Variants in PRDM6 observed in about 807,000 individuals in gnomAD.
The protein encoded by PRDM6 is putative histone-lysine N-methyltransferase PRDM6.
In PRDM6, 25 loss-of-function variants were observed where a neutral mutation model predicts 60.8. The ratio of observed to expected loss-of-function variants is 0.41; its 90% CI spans 0.30 to 0.57. PRDM6 has a LOEUF of 0.57. PRDM6 is among the 20% of genes least tolerant of loss of function. PRDM6 has a pLI of 0.27. For missense variants in PRDM6, 839 were observed against 821.3 expected (o/e 1.02, Z -0.26); for synonymous variants, 407 against 357.4 (o/e 1.14, Z -1.57).
At chr5:123,157,636 A>G (rs1404063607) in intron 4 of PRDM6, among the ~76,000 whole-genome samples, 2 of 152,238 alleles carry the variant, frequency 1.3e-5, no homozygotes, top group Non-Finnish European at 2.9e-5. Flanking sequence ...AAAAACTGGC[A>G]TTCATCACCA....
At chr5:123,159,744 A>C in intron 5 of PRDM6, 106 bp downstream of exon 5, 1 of 1,079,544 alleles carries the variant, frequency 9.3e-7, no homozygotes, top group African/African-American at 1.6e-5. Context: ...CACTGTAATA[A>C]GTAACACAAA....
intron 3 of PRDM6, among the ~76,000 whole-genome samples, chr5:123,153,430 A>G (rs1765418010): frequency 6.6e-6 from 1 of 152,190 alleles, no homozygotes; most frequent in African/African-American, 2.4e-5. Flanking sequence ...GGGAGAAAGC[A>G]GTATCAAGGT....
intron 2 of PRDM6, among the ~76,000 whole-genome samples, chr5:123,092,896 G>A (rs1186675076): frequency 6.6e-6 from 1 of 152,208 alleles, no homozygotes; most frequent in Admixed American, 6.5e-5. Flanking sequence ...AAGATGAAAC[G>A]TGATTGAGTT....
intron 3 of PRDM6, among the ~76,000 whole-genome samples, chr5:123,104,008 T>G (rs1764154892): frequency 6.6e-6 from 1 of 152,132 alleles, no homozygotes. Context: ...TTTGAGTGTC[T>G]CGTTTTCATT....
chr5:123,159,772 C>T (rs889254927), intron 5 of PRDM6, 134 bp downstream of exon 5: 3 of 886,790 alleles, frequency 3.4e-6, no homozygotes, highest in Non-Finnish European at 5.1e-6. Context: ...AAGTCTATTC[C>T]ATCGTTTTCT....
rs1766313175 is a variant in PRDM6 at position 123,187,385 on chromosome 5, A to T, written c.*184A>T. On this transcript the variant is annotated 3_prime_UTR_variant, in exon 8 of 8. Transcript: ENST00000407847. ...GCATGGAAGTCAGACCAGGAAAGAGATTATTTATTTATGACTTAGGGATGA... is the reference window on the plus strand; with the variant it reads ...GCATGGAAGTCAGACCAGGAAAGAGTTTATTTATTTATGACTTAGGGATGA... The T allele has an allele frequency of 6.3e-6, 3 of 473,242 alleles. No homozygotes were observed. In the South Asian group the frequency reaches 7.1e-5, roughly 11 times the overall value. 29.3% of individuals were successfully genotyped at this position (473,242 alleles called of 1,614,324 possible). A position where few individuals can be genotyped will look rare whatever the true frequency, so the allele number is the denominator to read the frequency against.
At chr5:123,115,486 A>G (rs1254844836) in intron 3 of PRDM6, among the ~76,000 whole-genome samples, 1 of 152,230 alleles carries the variant, frequency 6.6e-6, no homozygotes, top group Non-Finnish European at 1.5e-5. Context: ...ACTGTTATCA[A>G]AATTTTTGCA....
chr5:123,097,635 C>T (rs1354489577), intron 2 of PRDM6, among the ~76,000 whole-genome samples: 2 of 151,270 alleles, frequency 1.3e-5, no homozygotes, highest in Non-Finnish European at 3.0e-5. Context: ...TTTTTATTTT[C>T]ACAATCAATA....
chr5:123,101,447 CTAAT>C (rs1173586982), intron 3 of PRDM6, among the ~76,000 whole-genome samples: 1 of 152,146 alleles, frequency 6.6e-6, no homozygotes, highest in Non-Finnish European at 1.5e-5. Context: ...TTGTTTCTGA[CTAAT>C]TAATTGTAAC....
intron 7 of PRDM6, among the ~76,000 whole-genome samples, chr5:123,185,038 A>G (rs945126572): frequency 3.9e-5 from 6 of 152,184 alleles, no homozygotes; most frequent in East Asian, 1.9e-4. Context: ...ATTACAACAA[A>G]TTGTTCCATT....
At chr5:123,129,308 G>A (rs1330899894) in intron 3 of PRDM6, among the ~76,000 whole-genome samples, 5 of 152,174 alleles carry the variant, frequency 3.3e-5, no homozygotes, top group Non-Finnish European at 5.9e-5. Context: ...GAAAGTCATT[G>A]GTAGCCTGAT....
At chr5:123,126,455 C>T (rs538209694) in intron 3 of PRDM6, among the ~76,000 whole-genome samples, 1 of 151,932 alleles carries the variant, frequency 6.6e-6, no homozygotes, top group South Asian at 2.1e-4. Context: ...AGGACTCCAG[C>T]AGTGAGCAGT....
intron 3 of PRDM6, among the ~76,000 whole-genome samples, chr5:123,144,431 C>A (rs929339167): frequency 2.6e-5 from 4 of 152,176 alleles, no homozygotes; most frequent in Admixed American, 2.6e-4. Context: ...CTTGACCCAC[C>A]TTCACAACTA....
intron 3 of PRDM6, among the ~76,000 whole-genome samples, chr5:123,116,052 G>C (rs1474907650): frequency 1.3e-5 from 2 of 152,194 alleles, no homozygotes; most frequent in African/African-American, 4.8e-5. Context: ...CTGGCTGACT[G>C]TTTTGTTGCT....
In PRDM6 at chr5:123,170,997, A is replaced by G. The variant is rs879253872; in HGVS notation, c.1385A>G (p.Gln462Arg). 4 of 1,551,900 alleles carry G rather than the reference A, an allele frequency of 2.6e-6. No homozygotes were observed. The highest frequency in any genetic ancestry group is 2.6e-6 in the Non-Finnish European group (3 of 1,147,034). ...RVLASPTSTS[Q>R]LHSEFSDWHL... Reference sequence around the variant, plus strand: ...CTGGCAAGCCCAACTTCCACAAGCCAGCTCCACTCGGAGTTCAGTGACTGG... The same window carrying G: ...CTGGCAAGCCCAACTTCCACAAGCCGGCTCCACTCGGAGTTCAGTGACTGG... Residue 462 changes from glutamine to arginine, a missense_variant, in exon 6 of 8, where the codon CAG becomes CGG. Physicochemically the swap from Gln to Arg is conservative, Grantham distance 43 (BLOSUM62 1). Coordinates refer to ENST00000407847, the MANE Select transcript of PRDM6 (RefSeq NM_001136239.4).
At chr5:123,163,566 A>G (rs1442807585) in intron 5 of PRDM6, among the ~76,000 whole-genome samples, 1 of 152,162 alleles carries the variant, frequency 6.6e-6, no homozygotes, top group Non-Finnish European at 1.5e-5. Flanking sequence ...AAAAAGTCGT[A>G]TTATAAATGT....
chr5:123,099,887 C>G lies in PRDM6; in HGVS notation c.826C>G (p.Pro276Ala), dbSNP rs531274539. The part of the protein sequence containing the change: ...QRIQQGTWIG[P>A]FQGVLLPPEK... ...GATCCAGCAAGGCACCTGGATTGGA[C>G]CTTTCCAAGGCGTGCTTCTGCCCCC... The change falls in exon 3 of 8, where the codon CCT (proline) becomes GCT (alanine). Residue 276 changes from proline (P) to alanine (A), a missense_variant. This residue lies in a region of PRDM6 where 730 missense variants were observed against 648.8 expected (regional missense o/e 1.13). Transcript: ENST00000407847. This position sits in a 1 kb window ranked among gnomAD's most constrained non-coding sequence, Gnocchi z 4.0. The G allele has an allele frequency of 6.6e-5, 102 of 1,549,686 alleles. No individual in the cohort carries two copies. The highest frequency in any genetic ancestry group is 8.7e-5 in the Non-Finnish European group (100 of 1,146,380).
Position 123,090,334 on chromosome 5 carries a change from G to A in PRDM6, c.320G>A (p.Gly107Asp), listed in dbSNP as rs902528572. ...GCGGCCGCTGCCGCCGCGCTGGCTG[G>A]TCTCTCGGCCCTGCCGGTGTCGCAG... is the stretch of plus-strand genomic sequence containing the variant. ...AAAAAAAALA[G>D]LSALPVSQLP... The change falls in exon 2 of 8, where the codon GGT becomes GAT. Residue 107 changes from glycine (G) to aspartate (D), a missense_variant. Gly to Asp is a moderately conservative substitution (Grantham distance 94). Around this residue, in one of 2 missense-constraint regions of PRDM6, gnomAD observed 730 missense variants for 648.8 expected, o/e 1.13. Coordinates refer to ENST00000407847, the MANE Select transcript of PRDM6 (RefSeq NM_001136239.4). 2.0e-6 allele frequency: 3 copies of A among 1,478,008 alleles called. No homozygotes were observed. The highest frequency in any genetic ancestry group is 1.5e-5 in the African/African-American group (1 of 68,190). The allele number at this position is 1,478,008 out of a possible 1,614,324, so 91.6% of individuals were successfully genotyped here.
At chr5:123,100,854 A>G (rs1221742887) in intron 3 of PRDM6, among the ~76,000 whole-genome samples, 1 of 152,224 alleles carries the variant, frequency 6.6e-6, no homozygotes, top group Non-Finnish European at 1.5e-5. Flanking sequence ...CCCCCTACCA[A>G]TCTTAGCCAC....
Sources: gnomAD v4.1 joint callset for allele counts (sites outside exome capture counted in the v4.1 genomes callset) on GRCh38, gnomAD v4.1.1 for gene constraint, gnomAD v4.1.1 regional missense constraint, Gnocchi (gnomAD v3.1) non-coding constraint, MANE v1.5 for transcripts, NCBI Gene and HGNC (gene_info 2026-07-23, HGNC 2026-07-21) for gene names.